The following ARID1B variants were observed in gnomAD, a reference collection of about 807,000 sequenced individuals.
ARID1B encodes AT-rich interaction domain 1B.
A neutral mutation model predicts 212.3 loss-of-function variants in ARID1B; 30 were observed. The ratio of observed to expected loss-of-function variants is 0.14; its 90% CI spans 0.11 to 0.19. The LOEUF (loss-of-function observed/expected upper bound fraction) is 0.19. Ranked by LOEUF, ARID1B falls within the 10% of genes least tolerant of loss-of-function variation. ARID1B has a pLI of 1.00. For missense variants in ARID1B, 2,891 were observed against 3,204.0 expected (o/e 0.90, Z 2.36); for synonymous variants, 1,402 against 1,301.7 (o/e 1.08, Z -1.66).
chr6:157,184,418 T>A lies in ARID1B; in HGVS notation c.3902T>A (p.Leu1301His), dbSNP rs1792812480. 1 of 1,613,900 alleles carries A rather than the reference T, an allele frequency of 6.2e-7. No individual in the cohort carries two copies. Among genetic ancestry groups the A allele is most frequent in the Non-Finnish European group, 8.5e-7 (1 of 1,180,010 alleles). ...GGGGACACCAAAAAGCAGCCCAAGC[T>A]CCAGCCGCCATCTCCTGGTAAGTGG... Reference protein sequence around the residue: ...STGDTKKQPKLQPPSPANSGS... With the variant: ...STGDTKKQPKHQPPSPANSGS... Residue 1301 changes from leucine to histidine, a missense_variant, in exon 13 of 20, where the codon CTC becomes CAC. Leu to His is a moderately conservative substitution (Grantham distance 99). Around this residue, in one of 7 missense-constraint regions of ARID1B, gnomAD observed 666 missense variants for 873.5 expected, o/e 0.76. Transcript: ENST00000636930.
intron 2 of ARID1B, among the ~76,000 whole-genome samples, chr6:156,848,971 G>C (rs1032868471): frequency 4.2e-4 from 64 of 152,178 alleles, no homozygotes; most frequent in African/African-American, 1.4e-3. Context: ...TTTGAAGCCT[G>C]TTGCCCCTTC....
chr6:156,779,281 C>T lies in ARID1B; in HGVS notation c.1601C>T (p.Ser534Leu), dbSNP rs1778998972. The change falls in exon 1 of 20, where the codon TCG becomes TTG. Residue 534 changes from serine to leucine, a missense_variant. Transcript: ENST00000636930. Reference protein sequence around the residue: ...SSPSAPPPPPSQPQSQAAAAG... With the variant: ...SSPSAPPPPPLQPQSQAAAAG... ...CCCAGCGCGCCGCCGCCGCCGCCGT[C>T]GCAGCCCCAGTCCCAGGCGGCGGCG... 8.7e-7 allele frequency: 1 copy of T among 1,149,344 alleles called. No homozygotes were observed. The highest frequency in any genetic ancestry group is 4.1e-5 in the East Asian group (1 of 24,178). The allele number at this position is 1,149,344 out of a possible 1,614,324, so 71.2% of individuals were successfully genotyped here.
At chr6:157,026,773 C>G (rs769101765) in intron 4 of ARID1B, among the ~76,000 whole-genome samples, 2 of 152,186 alleles carry the variant, frequency 1.3e-5, no homozygotes, top group Non-Finnish European at 2.9e-5. Context: ...ACCTCGGTCT[C>G]TTTATTAGCC....
intron 1 of ARID1B, among the ~76,000 whole-genome samples, chr6:156,784,466 A>T (rs1779498782): frequency 6.6e-6 from 1 of 152,184 alleles, no homozygotes; most frequent in Non-Finnish European, 1.5e-5. Context: ...CTGATCTAAA[A>T]ACTTGGTGTA....
chr6:156,806,957 A>G (rs1781204174), intron 1 of ARID1B, among the ~76,000 whole-genome samples: 5 of 152,242 alleles, frequency 3.3e-5, no homozygotes, highest in Admixed American at 3.3e-4. Flanking sequence ...ATGTAATTTT[A>G]CATGTCTTAA....
chr6:157,032,113 T>A (rs955974269), intron 4 of ARID1B, among the ~76,000 whole-genome samples: 3 of 152,252 alleles, frequency 2.0e-5, no homozygotes, highest in Non-Finnish European at 4.4e-5. Context: ...GAATATTTTT[T>A]AAAATGCTGC....
intron 3 of ARID1B, among the ~76,000 whole-genome samples, chr6:156,914,080 A>G (rs1790147313): frequency 8.5e-6 from 1 of 118,074 alleles, no homozygotes; most frequent in African/African-American, 3.4e-5. Context: ...TGGTGCCCCC[A>G]TTCCACTCTC....
At chr6:157,025,049 A>G (rs139027351) in intron 4 of ARID1B, among the ~76,000 whole-genome samples, 69 of 152,328 alleles carry the variant, frequency 4.5e-4, no homozygotes, top group African/African-American at 1.5e-3. Context: ...GTTGACATTT[A>G]TATGTAGTTG....
chr6:156,912,199 A>T (rs1237714589), intron 3 of ARID1B, among the ~76,000 whole-genome samples: 1 of 151,988 alleles, frequency 6.6e-6, no homozygotes, highest in Non-Finnish European at 1.5e-5. Context: ...ATTGATCAAA[A>T]TATCTAAAAT....
intron 4 of ARID1B, among the ~76,000 whole-genome samples, chr6:157,039,869 TC>T (rs1187428147): frequency 0.18 from 20,450 of 113,460 alleles, 2,425 homozygotes; most frequent in Non-Finnish European, 0.23. Flanking sequence ...TCTCTCTCTT[TC>T]TCTTTCTTTT....
intron 4 of ARID1B, among the ~76,000 whole-genome samples, chr6:157,064,470 G>A (rs1378228356): frequency 6.6e-6 from 1 of 152,104 alleles, no homozygotes; most frequent in Non-Finnish European, 1.5e-5. Flanking sequence ...GTGTTTCTTC[G>A]ATGGTTTGAG....
At chr6:156,780,005 G>T (rs796725063) in intron 1 of ARID1B, among the ~76,000 whole-genome samples, 5 of 152,314 alleles carry the variant, frequency 3.3e-5, no homozygotes, top group African/African-American at 1.2e-4. Context: ...GGTTAGCTTT[G>T]TGACAAGCGA....
chr6:156,777,848 C>G lies in ARID1B; in HGVS notation c.168C>G (p.Pro56=). 1 of 1,251,024 alleles carries G rather than the reference C, an allele frequency of 8.0e-7. No individual in the cohort carries two copies. Among genetic ancestry groups the G allele is most frequent in the East Asian group, 3.2e-5 (1 of 31,004 alleles). The allele number at this position is 1,251,024 out of a possible 1,614,324, so 77.5% of individuals were successfully genotyped here. A position where few individuals can be genotyped will look rare whatever the true frequency, so the allele number is the denominator to read the frequency against. The change falls in exon 1 of 20, where the codon CCC becomes CCG. Residue 56 remains proline (P), a synonymous_variant. Coordinates refer to ENST00000636930, the MANE Select transcript of ARID1B (RefSeq NM_001374828.1). ...CGGCGGCGGCGGCGGCACCGGGACC[C>G]ATGCTGGGGGGCGGCGGCGACGGCG... ...GAAAAAAAPG[P]MLGGGGDGGG... is the part of the protein sequence containing the mutation.
intron 8 of ARID1B, among the ~76,000 whole-genome samples, chr6:157,158,847 T>G (rs1439251309): frequency 6.6e-6 from 1 of 152,208 alleles, no homozygotes; most frequent in Admixed American, 6.5e-5. Context: ...CAAGATAAAC[T>G]TTTTAAGTAA....
chr6:156,971,827 G>A (rs750070305), intron 4 of ARID1B, among the ~76,000 whole-genome samples: 1 of 152,188 alleles, frequency 6.6e-6, no homozygotes, highest in Non-Finnish European at 1.5e-5. Flanking sequence ...GCCTACCCAC[G>A]ATAATTTCCT....
At chr6:156,880,763 A>G (rs1207226584) in intron 2 of ARID1B, among the ~76,000 whole-genome samples, 5 of 90,836 alleles carry the variant, frequency 5.5e-5, no homozygotes, top group Non-Finnish European at 9.7e-5. Context: ...AAAAAAAAAA[A>G]AGAAAAGAAA....
intron 7 of ARID1B, among the ~76,000 whole-genome samples, chr6:157,135,311 C>T (rs1788835924): frequency 6.6e-6 from 1 of 152,184 alleles, no homozygotes; most frequent in Non-Finnish European, 1.5e-5. Context: ...TAAAGCCTTG[C>T]TTCAGTTCCA....
intron 1 of ARID1B, among the ~76,000 whole-genome samples, chr6:156,801,931 G>A (rs1024197361): frequency 3.9e-5 from 6 of 152,156 alleles, no homozygotes; most frequent in Admixed American, 6.5e-5. Context: ...TTGCTTTCTC[G>A]AAATTGACTA....
intron 1 of ARID1B, among the ~76,000 whole-genome samples, chr6:156,782,450 A>G (rs941113098): frequency 1.3e-5 from 2 of 152,126 alleles, no homozygotes; most frequent in Non-Finnish European, 2.9e-5. Flanking sequence ...GAGCAGTCTC[A>G]AAAGGAATAT....
Sources: gnomAD v4.1 joint callset for allele counts (sites outside exome capture counted in the v4.1 genomes callset) on GRCh38, gnomAD v4.1.1 for gene constraint, gnomAD v4.1.1 regional missense constraint, MANE v1.5 for transcripts, NCBI Gene and HGNC (gene_info 2026-07-23, HGNC 2026-07-21) for gene names.